PALM2AKAP2: variants seen among roughly 807,000 people sequenced by gnomAD.
The protein encoded by PALM2AKAP2 is PALM2-AKAP2 fusion protein.
In PALM2AKAP2, 37 loss-of-function variants were observed where a neutral mutation model predicts 71.5. The ratio of observed to expected loss-of-function variants is 0.52; its 90% CI spans 0.40 to 0.68. The LOEUF is 0.68. PALM2AKAP2 is among the 30% of genes least tolerant of loss of function. PALM2AKAP2 has a pLI of 0.00. For synonymous variants in PALM2AKAP2, 468 were observed against 478.8 expected, an observed-to-expected ratio of 0.98 and a Z score of 0.29; for missense variants, 1,224 against 1,191.8, an observed-to-expected ratio of 1.03 and a Z score of -0.40.
chr9:109,858,283 A>G (rs1416639326), intron 1 of PALM2AKAP2, among the ~76,000 whole-genome samples: 6 of 152,244 alleles, frequency 3.9e-5, no homozygotes, highest in Non-Finnish European at 7.3e-5. Context: ...AAGATTAAAC[A>G]TGTTAAATCA....
intron 1 of PALM2AKAP2, among the ~76,000 whole-genome samples, chr9:109,806,691 T>C (rs2131420841): frequency 6.6e-6 from 1 of 152,304 alleles, no homozygotes; most frequent in Middle Eastern, 3.4e-3. Flanking sequence ...CAGCAAGTGC[T>C]GGCCTGAGCT....
chr9:110,137,487 C>T, exon 2 of PALM2AKAP2: 2 of 1,614,078 alleles, frequency 1.2e-6, no homozygotes. Flanking sequence ...AAGGAAGGGC[C>T]CTACAGCGAG....
chr9:109,848,778 CAAA>C (rs56135332), intron 1 of PALM2AKAP2, among the ~76,000 whole-genome samples: 215 of 112,054 alleles, frequency 1.9e-3, no homozygotes, highest in African/African-American at 6.3e-3. Context: ...CCCATCTCTA[CAAA>C]AAAAAAAAAA....
At chr9:109,909,222 A>G (rs1002062782) in intron 3 of PALM2AKAP2, among the ~76,000 whole-genome samples, 1 of 152,190 alleles carries the variant, frequency 6.6e-6, no homozygotes, top group African/African-American at 2.4e-5. Flanking sequence ...AACTTGGGGT[A>G]AAGAGTACAG....
At chr9:109,672,821 G>T (rs1466190889) in intron 1 of PALM2AKAP2, among the ~76,000 whole-genome samples, 1 of 151,806 alleles carries the variant, frequency 6.6e-6, no homozygotes, top group African/African-American at 2.4e-5. Context: ...TTTCTTCCCG[G>T]ATCAGTCTTA....
At chr9:109,919,431 A>G (rs1275654772) in intron 3 of PALM2AKAP2, among the ~76,000 whole-genome samples, 2 of 152,224 alleles carry the variant, frequency 1.3e-5, no homozygotes, top group Non-Finnish European at 2.9e-5. Context: ...TTTTTTAAAA[A>G]TGAAATCACC....
chr9:110,141,565 G>A (rs567410942), intron 2 of PALM2AKAP2, among the ~76,000 whole-genome samples: 1 of 152,186 alleles, frequency 6.6e-6, no homozygotes, highest in Non-Finnish European at 1.5e-5. Flanking sequence ...CATGATCGGG[G>A]AGAAGGCTGA....
chr9:110,089,739 T>C (rs1213668955), intron 1 of PALM2AKAP2, among the ~76,000 whole-genome samples: 1 of 152,230 alleles, frequency 6.6e-6, no homozygotes, highest in African/African-American at 2.4e-5. Flanking sequence ...ACAGGTTTTC[T>C]TCCTCTCTGT....
intron 1 of PALM2AKAP2, among the ~76,000 whole-genome samples, chr9:109,781,361 A>G (rs1211797171): frequency 6.6e-6 from 1 of 152,178 alleles, no homozygotes; most frequent in East Asian, 1.9e-4. Context: ...TCCTTCGAGG[A>G]TGAGGGAATG....
chr9:109,949,121 T>C (rs1301790019), intron 6 of PALM2AKAP2, among the ~76,000 whole-genome samples: 1 of 152,224 alleles, frequency 6.6e-6, no homozygotes, highest in Non-Finnish European at 1.5e-5. Context: ...TAGGTTGGGA[T>C]TTACTTCTGC....
chr9:110,123,324 G>A (rs1823443345), intron 1 of PALM2AKAP2, among the ~76,000 whole-genome samples: 1 of 152,206 alleles, frequency 6.6e-6, no homozygotes, highest in Non-Finnish European at 1.5e-5. Flanking sequence ...TTGGAGGGCT[G>A]TGAGGGAAGG....
chr9:109,702,560 G>A (rs1460015600), intron 1 of PALM2AKAP2, among the ~76,000 whole-genome samples: 1 of 150,974 alleles, frequency 6.6e-6, no homozygotes, highest in East Asian at 2.0e-4. Context: ...CATGGACACA[G>A]GAAGGGGAAC....
chr9:109,901,595 CTGAA>C (rs1384863103), intron 3 of PALM2AKAP2, among the ~76,000 whole-genome samples: 13 of 152,178 alleles, frequency 8.5e-5, no homozygotes, highest in Admixed American at 8.5e-4. Context: ...ACAGGGGCCT[CTGAA>C]TGCTAAGTGG....
intron 1 of PALM2AKAP2, among the ~76,000 whole-genome samples, chr9:109,750,377 A>T (rs1292108429): frequency 6.6e-6 from 1 of 152,202 alleles, no homozygotes; most frequent in Non-Finnish European, 1.5e-5. Flanking sequence ...CAGATAAAAT[A>T]TATACAATTG....
At chr9:110,036,498 C>T (rs1833414231) in intron 7 of PALM2AKAP2, among the ~76,000 whole-genome samples, 1 of 152,154 alleles carries the variant, frequency 6.6e-6, no homozygotes, top group Admixed American at 6.6e-5. Flanking sequence ...TGCTTTCAGC[C>T]ATTATCATCT....
chr9:109,838,317 C>A (rs145312414), intron 1 of PALM2AKAP2, among the ~76,000 whole-genome samples: 4,254 of 152,252 alleles, frequency 0.028, 74 homozygotes, highest in Middle Eastern at 0.068. Context: ...TAAAGATGTT[C>A]TTTGAAACCA....
At chr9:109,945,389 C>G (rs1165926674) in intron 6 of PALM2AKAP2, 1 of 152,156 alleles carries the variant, frequency 6.6e-6, no homozygotes, top group Non-Finnish European at 1.5e-5. Flanking sequence ...TCAAGTTCAT[C>G]AAAGCAGCTG....
chr9:109,909,904 G>C (rs1830531370), intron 3 of PALM2AKAP2, among the ~76,000 whole-genome samples: 1 of 152,166 alleles, frequency 6.6e-6, no homozygotes, highest in East Asian at 1.9e-4. Flanking sequence ...ATATCCATGA[G>C]CTTTAGCAGA....
intron 7 of PALM2AKAP2, among the ~76,000 whole-genome samples, chr9:110,037,288 C>A (rs1446621877): frequency 6.6e-6 from 1 of 152,168 alleles, no homozygotes; most frequent in African/African-American, 2.4e-5. Context: ...GCAACCACAA[C>A]CTCTGCCTCC....
Sources: allele counts gnomAD v4.1 joint callset (sites outside exome capture counted in the v4.1 genomes callset), GRCh38; gene constraint gnomAD v4.1.1; transcripts MANE v1.5; gene names NCBI Gene and HGNC (gene_info 2026-07-23, HGNC 2026-07-21).